Variants in IL1RAPL2 observed in about 807,000 individuals in gnomAD.
IL1RAPL2 encodes X-linked interleukin-1 receptor accessory protein-like 2.
In IL1RAPL2, 3 loss-of-function variants were observed where a neutral mutation model predicts 44.1. That is an observed-to-expected ratio of 0.07 (90% CI 0.03 to 0.18). IL1RAPL2 has a LOEUF of 0.18. IL1RAPL2 is among the 10% of genes least tolerant of loss of function. The pLI, the probability that IL1RAPL2 is intolerant of heterozygous loss-of-function variation, is 1.00. For missense variants in IL1RAPL2, 391 were observed against 496.4 expected (o/e 0.79, Z 2.02); for synonymous variants, 181 against 178.8 (o/e 1.01, Z -0.10).
At chrX:104,688,200 G>A (rs757351634) in intron 2 of IL1RAPL2, among the ~76,000 whole-genome samples, 7 of 111,542 alleles carry the variant, frequency 6.3e-5, no homozygotes, top group East Asian at 2.8e-4. Context: ...ATTCCTACTC[G>A]TCCTTTGTTT....
At chrX:104,842,599 C>CGTTGTT (rs1227289266) in intron 2 of IL1RAPL2, among the ~76,000 whole-genome samples, 4 of 112,094 alleles carry the variant, frequency 3.6e-5, no homozygotes, top group Non-Finnish European at 7.5e-5. Context: ...CTTTTGATGT[C>CGTTGTT]GTTGTTGTTG....
intron 2 of IL1RAPL2, among the ~76,000 whole-genome samples, chrX:104,894,052 G>C (rs1923555959): frequency 9.0e-6 from 1 of 111,298 alleles, no homozygotes; most frequent in South Asian, 3.8e-4. Flanking sequence ...ATGAAGCTTG[G>C]TTTGGCTGGA....
intron 2 of IL1RAPL2, among the ~76,000 whole-genome samples, chrX:104,675,113 T>A (rs1346480347): frequency 9.0e-6 from 1 of 110,953 alleles, no homozygotes; most frequent in Non-Finnish European, 1.9e-5. Context: ...TTCTGCTCTG[T>A]TCTTAGTTAT....
In IL1RAPL2 at chrX:104,869,277, T is replaced by C. The variant is rs760936889; in HGVS notation, c.82+210282T>C. ...ATAGTATACAATGTGATGTTTGATA[T>C]ATGTATACAATGTAGAATGATTAAG... is the stretch of plus-strand genomic sequence containing the variant. On this transcript the variant is annotated intron_variant, in intron 2 of 10. Transcript: ENST00000372582. 3.6e-5 allele frequency among the ~76,000 whole-genome samples: 4 copies of C among 111,553 alleles called. No homozygotes were observed. The East Asian group carries it at 1.1e-3, about 31-fold the overall frequency.
chrX:105,436,627 A>G (rs1377881982), intron 5 of IL1RAPL2, among the ~76,000 whole-genome samples: 1 of 111,049 alleles, frequency 9.0e-6, no homozygotes, highest in African/African-American at 3.3e-5. Flanking sequence ...TAGTAGGGCC[A>G]TATTCATTTG....
intron 1 of IL1RAPL2, among the ~76,000 whole-genome samples, chrX:104,585,906 C>T (rs142820520): frequency 4.5e-5 from 5 of 110,904 alleles, no homozygotes; most frequent in East Asian, 2.8e-4. Context: ...AATGAACATG[C>T]GTATGAATGT....
chrX:105,184,015 A>G (rs6621941), intron 2 of IL1RAPL2, among the ~76,000 whole-genome samples: 56,422 of 109,963 alleles, frequency 0.51, 12,602 homozygotes, highest in East Asian at 0.76. Flanking sequence ...GCCAGGTTCC[A>G]GGAAGATTCA....
In IL1RAPL2 at chrX:104,671,582, T is replaced by A. The variant is rs150343230; in HGVS notation, c.82+12587T>A. The stretch of plus-strand genomic sequence containing the variant: ...TTCTATACTGGAACTGGTCATATTG[T>A]GATTTAGTTATTTGTACGTCTGTCT... On this transcript the variant is annotated intron_variant, in intron 2 of 10. Coordinates refer to ENST00000372582, the MANE Select transcript of IL1RAPL2 (RefSeq NM_017416.2). Among the ~76,000 whole-genome samples the A allele has an allele frequency of 8.9e-5, 10 of 111,989 alleles. No individual in the cohort carries two copies. The East Asian group carries it at 2.8e-3, about 32-fold the overall frequency.
At chrX:105,079,393 A>C (rs1216420192) in intron 2 of IL1RAPL2, among the ~76,000 whole-genome samples, 1 of 108,695 alleles carries the variant, frequency 9.2e-6, no homozygotes, top group East Asian at 3.1e-4. Flanking sequence ...TGCACTATTC[A>C]CAACAGCAAA....
At chrX:105,346,800 A>G in intron 5 of IL1RAPL2, among the ~76,000 whole-genome samples, 1 of 112,157 alleles carries the variant, frequency 8.9e-6, no homozygotes, top group Middle Eastern at 4.6e-3. Flanking sequence ...GTTTAAAAGC[A>G]GATTTTTAAA....
At chrX:105,115,827 C>T (rs898928304) in intron 2 of IL1RAPL2, among the ~76,000 whole-genome samples, 12 of 112,986 alleles carry the variant, frequency 1.1e-4, no homozygotes, top group African/African-American at 3.2e-4. Flanking sequence ...AGGCTCGGGC[C>T]GTGCAGGAGC....
chrX:104,836,450 G>C (rs1921743689), intron 2 of IL1RAPL2, among the ~76,000 whole-genome samples: 1 of 110,648 alleles, frequency 9.0e-6, no homozygotes, highest in Non-Finnish European at 1.9e-5. Flanking sequence ...ATAAATGCTT[G>C]AGGTGATGGA....
chrX:104,568,395 T>C (rs1309898500), intron 1 of IL1RAPL2, among the ~76,000 whole-genome samples: 1 of 111,103 alleles, frequency 9.0e-6, no homozygotes, highest in East Asian at 2.9e-4. Flanking sequence ...AGGAGTTAAG[T>C]TTTTGGGACA....
intron 1 of IL1RAPL2, among the ~76,000 whole-genome samples, chrX:104,595,480 A>G (rs191459229): frequency 8.9e-6 from 1 of 111,771 alleles, no homozygotes; most frequent in African/African-American, 3.3e-5. Context: ...TGCAATTGTC[A>G]ATAACTTTCT....
chrX:105,686,380 CAAAAAAAAAAAAA>C (rs1177667576), intron 6 of IL1RAPL2, among the ~76,000 whole-genome samples: 2 of 25,170 alleles, frequency 7.9e-5, no homozygotes, highest in Non-Finnish European at 1.2e-4. Context: ...AAATGGAAAG[CAAAAAAAAAAAAA>C]AAAAAAAAAA....
At chrX:105,186,059 A>G (rs1556133715) in intron 2 of IL1RAPL2, among the ~76,000 whole-genome samples, 2 of 112,059 alleles carry the variant, frequency 1.8e-5, no homozygotes, top group Admixed American at 9.5e-5. Flanking sequence ...TCTAGAGATA[A>G]TTTAGAGTAT....
At chrX:105,284,534 G>A (rs1014873261) in intron 5 of IL1RAPL2, among the ~76,000 whole-genome samples, 4 of 111,927 alleles carry the variant, frequency 3.6e-5, no homozygotes, top group Admixed American at 2.9e-4. Flanking sequence ...TTAGTTGGAG[G>A]TCTGCCACCA....
intron 1 of IL1RAPL2, among the ~76,000 whole-genome samples, chrX:104,575,365 T>C (rs1273441467): frequency 9.0e-6 from 1 of 111,530 alleles, no homozygotes; most frequent in African/African-American, 3.2e-5. Context: ...CCACAAATAA[T>C]AAGGTGTTAT....
intron 6 of IL1RAPL2, among the ~76,000 whole-genome samples, chrX:105,680,594 G>A (rs1283983423): frequency 8.9e-6 from 1 of 112,108 alleles, no homozygotes; most frequent in Non-Finnish European, 1.9e-5. Context: ...AATTCTTACT[G>A]CAACTATGCA....
Sources: gnomAD v4.1 joint callset for allele counts (sites outside exome capture counted in the v4.1 genomes callset) on GRCh38, gnomAD v4.1.1 for gene constraint, MANE v1.5 for transcripts, NCBI Gene and HGNC (gene_info 2026-07-23, HGNC 2026-07-21) for gene names.